The following XPO4 variants were observed in gnomAD, a reference collection of about 807,000 sequenced individuals.
The protein encoded by XPO4 is exportin-4.
A neutral mutation model predicts 143.0 loss-of-function variants in XPO4; 39 were observed. The ratio of observed to expected loss-of-function variants is 0.27; its 90% CI spans 0.21 to 0.36. The LOEUF (loss-of-function observed/expected upper bound fraction) is 0.36. Ranked by LOEUF, XPO4 falls within the 10% of genes least tolerant of loss-of-function variation. The pLI, the probability that XPO4 is intolerant of heterozygous loss-of-function variation, is 1.00. For missense variants in XPO4, 907 were observed against 1,348.0 expected (o/e 0.67, Z 5.12); for synonymous variants, 439 against 474.0 (o/e 0.93, Z 0.96).
At position 20,803,842 on chromosome 13, in the gene XPO4, G is replaced by A. The variant is rs1000242756; in HGVS notation, c.1818-2852C>T. Among the ~76,000 whole-genome samples the A allele has an allele frequency of 2.6e-5, 4 of 152,084 alleles. No homozygotes were observed. The highest frequency in any genetic ancestry group is 9.7e-5 in the African/African-American group (4 of 41,416). On this transcript the variant is annotated intron_variant, in intron 13 of 22. Transcript: ENST00000255305. This position sits in a 1 kb window ranked among gnomAD's most constrained non-coding sequence, Gnocchi z 4.1. ...TGACTCCATCTTGAGTGAGGGCTAG[G>A]AAAATGATGCTGGGACCTGACGGCT...
intron 9 of XPO4, among the ~76,000 whole-genome samples, chr13:20,814,796 A>C (rs2059628106): frequency 1.3e-5 from 2 of 152,238 alleles, no homozygotes; most frequent in African/African-American, 4.8e-5. Flanking sequence ...TCCATCTGGA[A>C]ATGCAGGGTG....
intron 3 of XPO4, chr13:20,856,884 C>T (rs562107173): frequency 1.9e-5 from 19 of 985,424 alleles, no homozygotes; most frequent in African/African-American, 1.0e-4. Context: ...AGGGCTCCCA[C>T]GGCACCCTCA....
At chr13:20,810,714 G>A (rs1291775225) in intron 9 of XPO4, among the ~76,000 whole-genome samples, 1 of 152,150 alleles carries the variant, frequency 6.6e-6, no homozygotes, top group African/African-American at 2.4e-5. Context: ...AGCTCTGACT[G>A]GCTAAATAGG....
chr13:20,843,707 G>C, intron 5 of XPO4, 63 bp downstream of exon 5: 1 of 1,139,130 alleles, frequency 8.8e-7, no homozygotes, highest in Non-Finnish European at 1.3e-6. Flanking sequence ...ATGTCATTAG[G>C]AATAGATTGA....
At chr13:20,797,818 A>G (rs150498894) in intron 16 of XPO4, among the ~76,000 whole-genome samples, 68 of 152,272 alleles carry the variant, frequency 4.5e-4, no homozygotes, top group African/African-American at 1.4e-3. Context: ...TCAAAAACTC[A>G]TATGTGGAAA....
intron 11 of XPO4, 43 bp from the exon 12 acceptor site, chr13:20,808,624 A>T (rs2059537659): frequency 6.8e-7 from 1 of 1,460,070 alleles, no homozygotes; most frequent in African/African-American, 1.4e-5. Flanking sequence ...TTCAATAAGC[A>T]AAGACATGGA....
intron 1 of XPO4, among the ~76,000 whole-genome samples, chr13:20,872,488 G>C (rs2060308317): frequency 6.6e-6 from 1 of 152,168 alleles, no homozygotes; most frequent in African/African-American, 2.4e-5. Flanking sequence ...ATACAAAAGA[G>C]AGAGGCATTT....
At chr13:20,812,863 A>G (rs1401994759) in intron 9 of XPO4, among the ~76,000 whole-genome samples, 1 of 152,238 alleles carries the variant, frequency 6.6e-6, no homozygotes, top group African/African-American at 2.4e-5. Context: ...ATACAGAATT[A>G]TTCCATATTT....
chr13:20,822,590 C>G (rs2059734109), intron 7 of XPO4, among the ~76,000 whole-genome samples: 1 of 152,192 alleles, frequency 6.6e-6, no homozygotes, highest in South Asian at 2.1e-4. Flanking sequence ...ACTGCTTCTT[C>G]TAAAAACAGC....
intron 6 of XPO4, among the ~76,000 whole-genome samples, 191 bp from the exon 7 acceptor site, chr13:20,827,370 T>A (rs1187622688): frequency 6.6e-6 from 1 of 152,178 alleles, no homozygotes; most frequent in Non-Finnish European, 1.5e-5. Flanking sequence ...AAAAAAAGAA[T>A]GTTACAGGAA....
intron 6 of XPO4, among the ~76,000 whole-genome samples, chr13:20,836,293 T>C (rs993457768): frequency 1.3e-5 from 2 of 152,222 alleles, no homozygotes; most frequent in Non-Finnish European, 2.9e-5. Flanking sequence ...TAACTGATAT[T>C]CGGTGTAGAT....
chr13:20,791,169 C>G (rs1383580112), intron 18 of XPO4, among the ~76,000 whole-genome samples: 1 of 151,908 alleles, frequency 6.6e-6, no homozygotes, highest in African/African-American at 2.4e-5. Context: ...ATTAACATCT[C>G]TAAACAAACG....
In XPO4 at chr13:20,801,135, T is replaced by C. The variant is rs1469535243; in HGVS notation, c.1818-145A>G. The C allele has an allele frequency of 6.8e-6, 6 of 883,130 alleles. No homozygotes were observed. In the East Asian group the frequency reaches 1.6e-4, roughly 24 times the overall value. 54.7% of individuals were successfully genotyped at this position (883,130 alleles called of 1,614,324 possible). A position where few individuals can be genotyped will look rare whatever the true frequency, so the allele number is the denominator to read the frequency against. On this transcript the variant is annotated intron_variant, in intron 13 of 22. Transcript: ENST00000255305. ...CTTGAACATTTCATCTACAGAGTTT[T>C]AGACAACTGTCCCATATTATTTCTG...
intron 4 of XPO4, chr13:20,852,023 T>C (rs1484978465): frequency 1.0e-6 from 1 of 985,266 alleles, no homozygotes; most frequent in Non-Finnish European, 1.2e-6. Context: ...TGCTCATTCC[T>C]GAGAGAGGCA....
chr13:20,847,631 C>T (rs1197979208), intron 4 of XPO4, among the ~76,000 whole-genome samples: 3 of 152,194 alleles, frequency 2.0e-5, no homozygotes, highest in African/African-American at 7.2e-5. Flanking sequence ...CAAGTGCTGC[C>T]TCTCTGGCCT....
intron 17 of XPO4, 109 bp downstream of exon 17, chr13:20,796,654 TA>T (rs2059362382): frequency 3.4e-6 from 3 of 881,186 alleles, no homozygotes; most frequent in Non-Finnish European, 4.6e-6. Flanking sequence ...TTTGAAGGAA[TA>T]AAAATATTAT....
At chr13:20,802,000 T>C (rs1332904705) in intron 13 of XPO4, among the ~76,000 whole-genome samples, 1 of 152,134 alleles carries the variant, frequency 6.6e-6, no homozygotes, top group Non-Finnish European at 1.5e-5. Context: ...AGCATCCTCT[T>C]CTCCTGAACT....
rs559279704 is a variant in XPO4, at chr13:20,890,416, C to G, written c.69+12254G>C. ...AGTGAGCTGCTATTGTGCTGCTGTA[C>G]TCCAGCCTGGGCAACACAGCAAGAC... On this transcript the variant is annotated intron_variant, in intron 1 of 22. Transcript: ENST00000255305. Among the ~76,000 whole-genome samples the G allele has an allele frequency of 2.0e-5, 3 of 151,492 alleles. No individual in the cohort carries two copies. In the South Asian group the frequency reaches 6.3e-4, roughly 32 times the overall value.
At position 20,791,092 on chromosome 13, in the gene XPO4, C is replaced by T. The variant is rs1393139245; in HGVS notation, c.2798-512G>A. Among the ~76,000 whole-genome samples the T allele has an allele frequency of 4.0e-5, 6 of 151,790 alleles. No individual in the cohort carries two copies. The South Asian group carries it at 8.3e-4, about 21-fold the overall frequency. ...AACAACCAATATGACAAAGGGTTATCATTCTTAATACATATGAATTATATA... is the reference window on the plus strand; with the variant it reads ...AACAACCAATATGACAAAGGGTTATTATTCTTAATACATATGAATTATATA... On this transcript the variant is annotated intron_variant, in intron 18 of 22. Transcript: ENST00000255305.
Sources: allele counts gnomAD v4.1 joint callset (sites outside exome capture counted in the v4.1 genomes callset), GRCh38; gene constraint gnomAD v4.1.1; non-coding constraint Gnocchi (gnomAD v3.1); transcripts MANE v1.5; gene names NCBI Gene and HGNC (gene_info 2026-07-23, HGNC 2026-07-21).